Variants in PLSCR1 observed in about 807,000 individuals in gnomAD.
PLSCR1 encodes phospholipid scramblase 1, also known as PL scramblase 1.
PLSCR1 carries 17 observed loss-of-function variants against 37.8 expected under a neutral mutation model. That is an observed-to-expected ratio of 0.45 (90% confidence interval 0.31 to 0.68). The LOEUF is 0.68. Among genes scored for constraint, PLSCR1 ranks in the 30% least tolerant of loss-of-function variants. The pLI is 0.06. For synonymous variants in PLSCR1, 116 were observed against 125.9 expected (o/e 0.92, Z 0.53); for missense variants, 347 against 380.9 (o/e 0.91, Z 0.74).
intron 1 of PLSCR1, among the ~76,000 whole-genome samples, chr3:146,543,329 T>C (rs1576802026): frequency 6.6e-6 from 1 of 152,244 alleles, no homozygotes; most frequent in Non-Finnish European, 1.5e-5. Flanking sequence ...CTATTTTACA[T>C]GCCACTTTTC....
chr3:146,522,020 T>A lies in PLSCR1; in HGVS notation c.389A>T (p.Glu130Val), dbSNP rs368631543. 1 of 1,609,638 alleles carries A rather than the reference T, an allele frequency of 6.2e-7. No individual in the cohort carries two copies. The highest frequency in any genetic ancestry group is 1.3e-5 in the African/African-American group (1 of 74,848). ...LTGFETNNKY[E>V]IKNSFGQRVY... ...CCTCTGTCCAAAGCTGTTCTTAATTTCATATTTGTTATTAGTTTCAAAACC... is the reference window on the plus strand; with the variant it reads ...CCTCTGTCCAAAGCTGTTCTTAATTACATATTTGTTATTAGTTTCAAAACC... The change falls in exon 6 of 9, where the codon GAA becomes GTA. Residue 130 changes from glutamate to valine, a missense_variant. Coordinates refer to ENST00000342435, the MANE Select transcript of PLSCR1 (RefSeq NM_021105.3).
chr3:146,533,924 T>G (rs1291128912), intron 2 of PLSCR1, among the ~76,000 whole-genome samples: 1 of 152,142 alleles, frequency 6.6e-6, no homozygotes, highest in Non-Finnish European at 1.5e-5. Flanking sequence ...GTGAAGATGG[T>G]AGAATTATGG....
chr3:146,543,717 T>C (rs1997604), intron 1 of PLSCR1, among the ~76,000 whole-genome samples: 32,864 of 152,216 alleles, frequency 0.22, 3,806 homozygotes, highest in African/African-American at 0.31. Context: ...CTGAGTACTT[T>C]CTGTAGCGCC....
At chr3:146,531,591 C>T (rs991178309) in intron 3 of PLSCR1, among the ~76,000 whole-genome samples, 22 of 152,202 alleles carry the variant, frequency 1.4e-4, no homozygotes, top group African/African-American at 5.1e-4. Context: ...AAAGAATTAC[C>T]TGAAATTTGA....
intron 2 of PLSCR1, among the ~76,000 whole-genome samples, chr3:146,535,561 CAT>C (rs147936427): frequency 1.2e-4 from 18 of 152,226 alleles, no homozygotes; most frequent in African/African-American, 4.3e-4. Flanking sequence ...TATTCACACA[CAT>C]ATACACATTT....
chr3:146,522,890 T>C (rs914143369), intron 5 of PLSCR1, among the ~76,000 whole-genome samples: 1 of 152,226 alleles, frequency 6.6e-6, no homozygotes, highest in Non-Finnish European at 1.5e-5. Flanking sequence ...CTTTAAGGCA[T>C]TGAGATGTTT....
At chr3:146,541,035 G>T (rs1013307280) in intron 1 of PLSCR1, 2 of 151,988 alleles carry the variant, frequency 1.3e-5, no homozygotes, top group Non-Finnish European at 2.9e-5. Flanking sequence ...CAAATGGGTG[G>T]GGCAAGCAGG....
At chr3:146,537,433 C>T (rs1029039158) in intron 1 of PLSCR1, among the ~76,000 whole-genome samples, 1 of 152,126 alleles carries the variant, frequency 6.6e-6, no homozygotes. Context: ...CTGCCCATCC[C>T]CTTCCCAGGC....
chr3:146,525,682 G>A (rs762842747), intron 4 of PLSCR1, 35 bp from the exon 5 acceptor site: 57 of 1,026,864 alleles, frequency 5.6e-5, no homozygotes, highest in Non-Finnish European at 8.2e-5. Flanking sequence ...GTATGTATAT[G>A]TCAAATGAAG....
At chr3:146,535,334 G>A (rs2044252005) in intron 2 of PLSCR1, among the ~76,000 whole-genome samples, 4 of 152,092 alleles carry the variant, frequency 2.6e-5, no homozygotes, top group Admixed American at 2.0e-4. Context: ...CCAAAGCAAT[G>A]ATTCTGATTT....
rs117130913 is a variant in PLSCR1 at position 146,540,504 on chromosome 3, C to G, written c.-13-3939G>C. Among the ~76,000 whole-genome samples the G allele has an allele frequency of 2.1e-4, 32 of 152,240 alleles. No homozygotes were observed. The East Asian group carries it at 5.4e-3, about 26-fold the overall frequency. On this transcript the variant is annotated intron_variant, in intron 1 of 8. Transcript: ENST00000342435. ...TTGAGGTCCTGAAATTTTTATCTTA[C>G]TGCTTTCAAAAAGTATTACTGTAAA...
Position 146,525,602 on chromosome 3 carries a change from T to C in PLSCR1, c.355+3A>G. The C allele has an allele frequency of 1.4e-6, 2 of 1,461,780 alleles. No homozygotes were observed. The highest frequency in any genetic ancestry group is 2.3e-5 in the South Asian group (2 of 86,168). The allele number at this position is 1,461,780 out of a possible 1,614,324, so 90.6% of individuals were successfully genotyped here. On this transcript the variant is annotated splice_donor_region_variant and intron_variant, in intron 5 of 8. Transcript: ENST00000342435. The stretch of plus-strand genomic sequence containing the variant: ...AAACAGGATTAAAACAATGAATACA[T>C]ACCTTCCAGAAGTTCAATTTGCTGA...
rs750691242 is a variant in PLSCR1, at chr3:146,528,773, G to A, written c.153C>T (p.Ala51=). The A allele has an allele frequency of 3.2e-5, 52 of 1,614,138 alleles. No individual in the cohort carries two copies. The Middle Eastern group carries it at 4.9e-4, about 15-fold the overall frequency. The part of the protein sequence containing the change: ...GPQVSYPPPP[A]GHSGPGPAGF... ...CAGCTGGGCCAGGACCTGAATGGCC[G>A]GCTGGTGGGGGTGGGTAGCTGACCT... Residue 51 remains alanine (A), a synonymous_variant, in exon 4 of 9, where the codon GCC becomes GCT. Coordinates refer to ENST00000342435, the MANE Select transcript of PLSCR1 (RefSeq NM_021105.3).
intron 3 of PLSCR1, 122 bp from the exon 4 acceptor site, chr3:146,528,953 T>C: frequency 1.5e-6 from 1 of 664,658 alleles, no homozygotes; most frequent in East Asian, 2.7e-5. Context: ...ATCTGTGATG[T>C]TTAATACGCT....
At chr3:146,526,183 C>CAAAAAAAAAAAAAAAAAAAAAAAAA (rs60229241) in intron 4 of PLSCR1, among the ~76,000 whole-genome samples, 4 of 42,820 alleles carry the variant, frequency 9.3e-5, no homozygotes, top group African/African-American at 2.9e-4. Flanking sequence ...GACTCCATCT[C>CAAAAAAAAAAAAAAAAAAAAAAAAA]AAAAAAAAAA....
intron 2 of PLSCR1, 53 bp from the exon 3 acceptor site, chr3:146,533,603 G>C (rs1022954773): frequency 9.6e-7 from 1 of 1,037,560 alleles, no homozygotes; most frequent in Non-Finnish European, 1.5e-6. Flanking sequence ...ATATATATTA[G>C]AAAGAAACAA....
intron 1 of PLSCR1, among the ~76,000 whole-genome samples, chr3:146,537,089 A>G (rs1184987467): frequency 6.6e-6 from 1 of 151,870 alleles, no homozygotes; most frequent in Non-Finnish European, 1.5e-5. Context: ...AAATTTGAGA[A>G]GGCCTGAGAC....
intron 2 of PLSCR1, 106 bp from the exon 3 acceptor site, chr3:146,533,656 G>T: frequency 1.7e-6 from 1 of 572,642 alleles, no homozygotes; most frequent in East Asian, 3.2e-5. Flanking sequence ...TTCTTATGCT[G>T]TATTGAAATA....
In PLSCR1 at chr3:146,536,534, A is replaced by G; in HGVS notation, c.13+6T>C. 7.4e-7 allele frequency: 1 copy of G among 1,357,880 alleles called. No homozygotes were observed. The highest frequency in any genetic ancestry group is 1.1e-6 in the Non-Finnish European group (1 of 946,984). The allele number at this position is 1,357,880 out of a possible 1,614,324, so 84.1% of individuals were successfully genotyped here. A position where few individuals can be genotyped will look rare whatever the true frequency, so the allele number is the denominator to read the frequency against. Reference sequence around the variant, plus strand: ...GGAAAGTAAACATTTAAAATAAATTACTTACTTTGTTTGTCCATGATTAAA... The same window carrying G: ...GGAAAGTAAACATTTAAAATAAATTGCTTACTTTGTTTGTCCATGATTAAA... On this transcript the variant is annotated splice_donor_region_variant and intron_variant, in intron 2 of 8. Transcript: ENST00000342435.
Sources: allele counts gnomAD v4.1 joint callset (sites outside exome capture counted in the v4.1 genomes callset), GRCh38; gene constraint gnomAD v4.1.1; transcripts MANE v1.5; gene names NCBI Gene and HGNC (gene_info 2026-07-23, HGNC 2026-07-21).